CDH13: variants seen among roughly 807,000 people sequenced by gnomAD.
The protein encoded by CDH13 is cadherin 13, also known as cadherin-13.
CDH13 carries 24 observed loss-of-function variants against 63.8 expected under a neutral mutation model. The ratio of observed to expected loss-of-function variants is 0.38; its 90% CI spans 0.27 to 0.53. The LOEUF (loss-of-function observed/expected upper bound fraction) is 0.53. CDH13 is among the 20% of genes least tolerant of loss of function. The pLI is 0.85. For missense variants in CDH13, 1,049 were observed against 903.1 expected, an observed-to-expected ratio of 1.16 and a Z score of -2.07; for synonymous variants, 503 against 355.3, an observed-to-expected ratio of 1.42 and a Z score of -4.67.
chr16:83,032,383 G>C (rs536950236), intron 3 of CDH13, 165 bp downstream of exon 3: 9 of 600,448 alleles, frequency 1.5e-5, no homozygotes, highest in African/African-American at 5.6e-5. Flanking sequence ...GAGGGGCAGC[G>C]GGAATTAATT....
At chr16:82,651,888 T>C (rs985211375) in intron 1 of CDH13, among the ~76,000 whole-genome samples, 2 of 152,142 alleles carry the variant, frequency 1.3e-5, no homozygotes, top group African/African-American at 4.8e-5. Flanking sequence ...AACAGTTGGA[T>C]AGGCTGCTAG....
intron 7 of CDH13, among the ~76,000 whole-genome samples, chr16:83,576,213 A>G (rs4513089): frequency 0.48 from 73,602 of 152,122 alleles, 18,348 homozygotes; most frequent in East Asian, 0.75. Context: ...TTCTGTCTCT[A>G]TGGATTTATC....
chr16:83,179,649 C>G (rs2038269053), intron 4 of CDH13, among the ~76,000 whole-genome samples: 1 of 52,596 alleles, frequency 1.9e-5, no homozygotes, highest in South Asian at 5.8e-4. Flanking sequence ...GAGACTCTCT[C>G]TCAGAAAAAA....
intron 6 of CDH13, among the ~76,000 whole-genome samples, chr16:83,415,502 G>A (rs984843879): frequency 6.6e-6 from 1 of 152,112 alleles, no homozygotes; most frequent in South Asian, 2.1e-4. Context: ...AAATGTAGAA[G>A]CAAAAGTCCT....
intron 1 of CDH13, among the ~76,000 whole-genome samples, chr16:82,755,680 T>C (rs777572046): frequency 6.6e-6 from 1 of 152,230 alleles, no homozygotes; most frequent in Admixed American, 6.5e-5. Flanking sequence ...TAATTAAAAC[T>C]GTTAAAATCA....
At chr16:83,273,737 C>T (rs78928141) in intron 5 of CDH13, among the ~76,000 whole-genome samples, 10,313 of 152,114 alleles carry the variant, frequency 0.068, 428 homozygotes, top group East Asian at 0.14. Context: ...TTGTGGTTTC[C>T]GTGGGAGGGG....
intron 10 of CDH13, among the ~76,000 whole-genome samples, chr16:83,739,206 G>A (rs866016592): frequency 6.6e-6 from 1 of 152,002 alleles, no homozygotes; most frequent in Non-Finnish European, 1.5e-5. Context: ...TTCCCCCTGG[G>A]AGTCAAGAAT....
At chr16:83,628,190 A>C (rs1910488215) in intron 8 of CDH13, among the ~76,000 whole-genome samples, 1 of 152,188 alleles carries the variant, frequency 6.6e-6, no homozygotes, top group African/African-American at 2.4e-5. Flanking sequence ...CAGCCCAGTA[A>C]GTCTCAGCCT....
intron 5 of CDH13, among the ~76,000 whole-genome samples, chr16:83,240,762 G>C (rs1904364919): frequency 1.2e-5 from 1 of 84,736 alleles, no homozygotes; most frequent in Admixed American, 2.0e-4. Flanking sequence ...AGGTTTCACT[G>C]TGTTGTCCAA....
intron 6 of CDH13, among the ~76,000 whole-genome samples, chr16:83,451,556 G>A (rs542527247): frequency 6.6e-6 from 1 of 152,130 alleles, no homozygotes; most frequent in African/African-American, 2.4e-5. Context: ...CTCTTCCGCT[G>A]TCATCCAGGC....
intron 12 of CDH13, among the ~76,000 whole-genome samples, chr16:83,781,557 C>A (rs1338393016): frequency 6.6e-6 from 1 of 151,712 alleles, no homozygotes; most frequent in African/African-American, 2.4e-5. Context: ...TTTTTAGTGC[C>A]TTTTGCTTGT....
intron 10 of CDH13, among the ~76,000 whole-genome samples, chr16:83,733,045 A>G (rs555590471): frequency 3.3e-5 from 5 of 152,318 alleles, no homozygotes; most frequent in African/African-American, 1.2e-4. Context: ...CTTGGTGAAG[A>G]TACGCATCCC....
At chr16:83,758,751 A>G (rs1331886543) in intron 11 of CDH13, among the ~76,000 whole-genome samples, 2 of 152,250 alleles carry the variant, frequency 1.3e-5, no homozygotes, top group Non-Finnish European at 2.9e-5. Flanking sequence ...CAAATGGAAA[A>G]TAAAATTCTA....
Position 82,870,890 on chromosome 16 carries a change from G to T in CDH13, c.157+12417G>T, listed in dbSNP as rs149798760. Reference sequence around the variant, plus strand: ...TGTCAGAAACAGCATAGGGATGATTGTAGCTGAAAGCTTGCTATGGCCCTC... The same window carrying T: ...TGTCAGAAACAGCATAGGGATGATTTTAGCTGAAAGCTTGCTATGGCCCTC... On this transcript the variant is annotated intron_variant, in intron 2 of 13. Transcript: ENST00000567109. 6.2e-4 allele frequency among the ~76,000 whole-genome samples: 94 copies of T among 152,318 alleles called. No individual in the cohort carries two copies. The Middle Eastern group carries it at 0.01, about 17-fold the overall frequency.
chr16:82,743,043 C>T, intron 1 of CDH13, among the ~76,000 whole-genome samples: 1 of 152,178 alleles, frequency 6.6e-6, no homozygotes, highest in South Asian at 2.1e-4. Flanking sequence ...GAAATGTGTA[C>T]AATGTGAACA....
chr16:83,296,009 A>T (rs9926620), intron 5 of CDH13, among the ~76,000 whole-genome samples: 1 of 151,940 alleles, frequency 6.6e-6, no homozygotes, highest in East Asian at 1.9e-4. Context: ...TTGATGTTTC[A>T]GAGAAATAAA....
chr16:83,375,950 A>T (rs1038051625), intron 6 of CDH13, among the ~76,000 whole-genome samples: 1 of 152,130 alleles, frequency 6.6e-6, no homozygotes, highest in Non-Finnish European at 1.5e-5. Flanking sequence ...CATTAGGACT[A>T]TTAGGGTGAG....
intron 5 of CDH13, among the ~76,000 whole-genome samples, chr16:83,237,012 A>G (rs7186143): frequency 0.72 from 109,027 of 152,000 alleles, 39,150 homozygotes; most frequent in East Asian, 0.86. Flanking sequence ...GAGAAACTGG[A>G]CAGGAAAACC....
intron 7 of CDH13, among the ~76,000 whole-genome samples, chr16:83,529,091 C>CTTTTT (rs10562201): frequency 7.1e-6 from 1 of 140,494 alleles, no homozygotes. Flanking sequence ...ATACCTCTGT[C>CTTTTT]TTTTTTTTTT....
Sources: gnomAD v4.1 joint callset for allele counts (sites outside exome capture counted in the v4.1 genomes callset) on GRCh38, gnomAD v4.1.1 for gene constraint, MANE v1.5 for transcripts, NCBI Gene and HGNC (gene_info 2026-07-23, HGNC 2026-07-21) for gene names.